CSMD1: variants seen among roughly 807,000 people sequenced by gnomAD.
The protein encoded by CSMD1 is CUB and Sushi multiple domains 1.
CSMD1 carries 213 observed loss-of-function variants against 417.5 expected under a neutral mutation model. The ratio of observed to expected loss-of-function variants is 0.51; its 90% CI spans 0.46 to 0.57. The LOEUF (loss-of-function observed/expected upper bound fraction) is 0.57, where lower values mean the gene tolerates loss of function less well. CSMD1 is among the 20% of genes least tolerant of loss of function. The pLI is 0.00. For missense variants in CSMD1, 6,923 were observed against 4,529.7 expected, an observed-to-expected ratio of 1.53 and a Z score of -15.17; for synonymous variants, 2,862 against 1,736.8, an observed-to-expected ratio of 1.65 and a Z score of -16.11.
At chr8:4,886,454 T>C (rs1041363617) in intron 1 of CSMD1, among the ~76,000 whole-genome samples, 2 of 152,098 alleles carry the variant, frequency 1.3e-5, no homozygotes, top group Non-Finnish European at 2.9e-5. Flanking sequence ...GATATTGGTC[T>C]GTGGATTTCT....
intron 5 of CSMD1, among the ~76,000 whole-genome samples, chr8:3,812,209 A>T (rs890765580): frequency 6.6e-6 from 1 of 152,194 alleles, no homozygotes; most frequent in Non-Finnish European, 1.5e-5. Context: ...CAAACAATAT[A>T]TCGTTTGTAC....
intron 11 of CSMD1, among the ~76,000 whole-genome samples, chr8:3,486,633 AGC>A (rs1353843799): frequency 6.6e-6 from 1 of 152,232 alleles, no homozygotes; most frequent in African/African-American, 2.4e-5. Flanking sequence ...AGCCCAGATT[AGC>A]TGAAATGGAG....
At chr8:3,960,083 A>G (rs1198285675) in intron 5 of CSMD1, among the ~76,000 whole-genome samples, 3 of 152,204 alleles carry the variant, frequency 2.0e-5, no homozygotes, top group African/African-American at 7.2e-5. Context: ...TTATTAGACA[A>G]CAGTGCTGGA....
In CSMD1 at chr8:4,687,850, C is replaced by T. The variant is rs894532752; in HGVS notation, c.86-50292G>A. ...ACATACATACATACACACACACACA[C>T]ACACACACACACTCATCTCCTGCAT... On this transcript the variant is annotated intron_variant, in intron 1 of 69. Coordinates refer to ENST00000635120, the MANE Select transcript of CSMD1 (RefSeq NM_033225.6). 1.5e-4 allele frequency among the ~76,000 whole-genome samples: 23 copies of T among 152,128 alleles called. No individual in the cohort carries two copies. In the South Asian group the frequency reaches 4.1e-3, roughly 27 times the overall value.
intron 6 of CSMD1, among the ~76,000 whole-genome samples, chr8:3,735,081 A>G (rs1796462722): frequency 6.6e-6 from 1 of 152,184 alleles, no homozygotes; most frequent in Admixed American, 6.5e-5. Context: ...CACGCCAGCC[A>G]CCACAACGAT....
In CSMD1 at chr8:3,997,963, A is replaced by C; in HGVS notation, c.758T>G (p.Phe253Cys). The change falls in exon 5 of 70, where the codon TTT (phenylalanine) becomes TGT (cysteine). Residue 253 changes from phenylalanine (F) to cysteine (C), a missense_variant. Physicochemically the swap from Phe to Cys is radical, Grantham distance 205. Coordinates refer to ENST00000635120, the MANE Select transcript of CSMD1 (RefSeq NM_033225.6). ...GAAATCATATCCTTCTTCTAGCTGA[A>C]AGTCAGTGAAGACCAGCGCAATGGT... is the stretch of plus-strand genomic sequence containing the variant. ...GDTIALVFTD[F>C]QLEEGYDFLE... The C allele has an allele frequency of 1.9e-6, 3 of 1,611,880 alleles. No homozygotes were observed. Among genetic ancestry groups the C allele is most frequent in the Non-Finnish European group, 1.7e-6 (2 of 1,178,942 alleles).
chr8:4,192,511 C>G (rs999036857), intron 3 of CSMD1, among the ~76,000 whole-genome samples: 1 of 151,412 alleles, frequency 6.6e-6, no homozygotes, highest in Non-Finnish European at 1.5e-5. Context: ...CCGTTTAAGA[C>G]AATACCCCCT....
chr8:3,141,223 T>G (rs1818419696), intron 41 of CSMD1, among the ~76,000 whole-genome samples: 1 of 152,198 alleles, frequency 6.6e-6, no homozygotes, highest in Non-Finnish European at 1.5e-5. Context: ...GTAACACCCG[T>G]ACCTCATCAT....
chr8:3,290,934 C>G (rs990318541), intron 25 of CSMD1, among the ~76,000 whole-genome samples: 1 of 152,104 alleles, frequency 6.6e-6, no homozygotes, highest in Non-Finnish European at 1.5e-5. Flanking sequence ...CCAGTTTTTC[C>G]CATTCAGTAT....
chr8:4,319,829 T>C (rs900913369), intron 3 of CSMD1, among the ~76,000 whole-genome samples: 1 of 152,084 alleles, frequency 6.6e-6, no homozygotes, highest in Non-Finnish European at 1.5e-5. Flanking sequence ...CCTCGGGGTC[T>C]TCAGCTGAGA....
chr8:3,093,773 A>T (rs73183514), intron 47 of CSMD1, among the ~76,000 whole-genome samples: 4,199 of 152,304 alleles, frequency 0.028, 82 homozygotes, highest in Non-Finnish European at 0.039. Flanking sequence ...ACCACAAACC[A>T]AAACTAGCAT....
chr8:3,944,974 A>G (rs575253516), intron 5 of CSMD1, among the ~76,000 whole-genome samples: 1 of 152,144 alleles, frequency 6.6e-6, no homozygotes, highest in Non-Finnish European at 1.5e-5. Flanking sequence ...GATATCTAAT[A>G]ATTATCCATC....
In CSMD1 at chr8:3,799,474, C is replaced by T. The variant is rs900718482; in HGVS notation, c.819-45432G>A. Among the ~76,000 whole-genome samples, 95 of 142,908 alleles carry T rather than the reference C, an allele frequency of 6.6e-4. 1 individual carries two copies. Among genetic ancestry groups the T allele is most frequent in the Middle Eastern group, 3.6e-3 (1 of 276 alleles). The allele number at this position is 142,908 out of a possible 152,430, so 93.8% of individuals were successfully genotyped here. The stretch of plus-strand genomic sequence containing the variant: ...AAGTGTTCTCACTGTTCAGTTCCCA[C>T]CTATAAGTGAGACATGGATTTGAAG... On this transcript the variant is annotated intron_variant, in intron 5 of 69. Transcript: ENST00000635120.
At chr8:2,992,668 G>T (rs778988586) in intron 54 of CSMD1, among the ~76,000 whole-genome samples, 48 of 151,996 alleles carry the variant, frequency 3.2e-4, no homozygotes, top group Middle Eastern at 3.4e-3. Flanking sequence ...CTCGTGATCT[G>T]CCCGCCTCAG....
intron 1 of CSMD1, among the ~76,000 whole-genome samples, chr8:4,848,689 A>T (rs569872001): frequency 6.6e-6 from 1 of 151,886 alleles, no homozygotes; most frequent in Admixed American, 6.6e-5. Context: ...ACAGGCACCC[A>T]CCACCACACC....
intron 1 of CSMD1, among the ~76,000 whole-genome samples, chr8:4,772,793 T>C (rs1796665048): frequency 6.6e-6 from 1 of 152,214 alleles, no homozygotes; most frequent in Admixed American, 6.5e-5. Context: ...GGGCTTAAGG[T>C]ACTCATCTAA....
intron 5 of CSMD1, among the ~76,000 whole-genome samples, chr8:3,971,149 T>C (rs1211200082): frequency 2.0e-5 from 3 of 148,102 alleles, no homozygotes; most frequent in Non-Finnish European, 4.5e-5. Context: ...AAATATTCTA[T>C]TTACGCTGCC....
intron 3 of CSMD1, among the ~76,000 whole-genome samples, chr8:4,324,550 A>C (rs1799444447): frequency 1.3e-5 from 2 of 152,196 alleles, no homozygotes; most frequent in African/African-American, 4.8e-5. Flanking sequence ...TCTGGTGGCC[A>C]ATGCCAGGGA....
intron 7 of CSMD1, among the ~76,000 whole-genome samples, chr8:3,640,852 T>G (rs1375434004): frequency 6.6e-6 from 1 of 151,814 alleles, no homozygotes; most frequent in African/African-American, 2.4e-5. Context: ...CTTACCTCAC[T>G]ACTTTTTTTT....
Sources: gnomAD v4.1 joint callset for allele counts (sites outside exome capture counted in the v4.1 genomes callset) on GRCh38, gnomAD v4.1.1 for gene constraint, MANE v1.5 for transcripts, NCBI Gene and HGNC (gene_info 2026-07-23, HGNC 2026-07-21) for gene names.